VPS41: variants seen among roughly 807,000 people sequenced by gnomAD.
The protein encoded by VPS41 is VPS41 subunit of HOPS complex, also known as vacuolar protein sorting-associated protein 41 homolog.
Under a neutral mutation model 130.9 loss-of-function variants are expected in VPS41, and 85 were observed. The observed-to-expected ratio is 0.65, with a 90% CI of 0.55 to 0.78. The LOEUF is 0.78. Among genes scored for constraint, VPS41 ranks in the 30% least tolerant of loss-of-function variants. The pLI is 0.00. For synonymous variants in VPS41, 335 were observed against 332.9 expected, an observed-to-expected ratio of 1.01 and a Z score of -0.07; for missense variants, 874 against 1,018.7, an observed-to-expected ratio of 0.86 and a Z score of 1.93.
At chr7:38,877,997 C>T (rs1786525817) in intron 2 of VPS41, among the ~76,000 whole-genome samples, 1 of 152,166 alleles carries the variant, frequency 6.6e-6, no homozygotes, top group Non-Finnish European at 1.5e-5. Flanking sequence ...ACTGTATCTC[C>T]AATCCTCACA....
chr7:38,732,944 C>T (rs1199958164), intron 25 of VPS41, among the ~76,000 whole-genome samples: 1 of 152,238 alleles, frequency 6.6e-6, no homozygotes, highest in South Asian at 2.1e-4. Flanking sequence ...CCTCCTGCCT[C>T]AGCCTCCCAT....
At chr7:38,744,193 CT>C (rs768617490) in intron 23 of VPS41, among the ~76,000 whole-genome samples, 2 of 152,170 alleles carry the variant, frequency 1.3e-5, no homozygotes, top group Non-Finnish European at 2.9e-5. Context: ...TCTTTACATA[CT>C]TTGCTCACTG....
chr7:38,782,638 T>C (rs1451290464), intron 10 of VPS41, among the ~76,000 whole-genome samples: 1 of 152,208 alleles, frequency 6.6e-6, no homozygotes, highest in Non-Finnish European at 1.5e-5. Flanking sequence ...ACATCAACCT[T>C]ACATTGCCCA....
Position 38,771,180 on chromosome 7 carries a change from A to T in VPS41, c.1185+18T>A, listed in dbSNP as rs369479800. 6.4e-7 allele frequency: 1 copy of T among 1,554,382 alleles called. No individual in the cohort carries two copies. The highest frequency in any genetic ancestry group is 1.4e-5 in the African/African-American group (1 of 73,486). On this transcript the variant is annotated intron_variant, in intron 14 of 28. Coordinates refer to ENST00000310301, the MANE Select transcript of VPS41 (RefSeq NM_014396.4). ...TGAAAGATAAAATTATGTTTCAAAT[A>T]ACAAATTGCACACTTACCAGAATCT...
intron 2 of VPS41, among the ~76,000 whole-genome samples, chr7:38,883,302 T>C (rs1207511435): frequency 6.6e-6 from 1 of 152,132 alleles, no homozygotes; most frequent in East Asian, 1.9e-4. Flanking sequence ...AGGGTCAACA[T>C]TCTTAGCTGC....
chr7:38,757,149 G>A (rs553874471), intron 18 of VPS41, among the ~76,000 whole-genome samples, 167 bp from the exon 19 acceptor site: 17 of 152,202 alleles, frequency 1.1e-4, no homozygotes, highest in African/African-American at 4.1e-4. Flanking sequence ...AACTATACAC[G>A]ACCAATAAGT....
At chr7:38,836,665 C>G (rs1785502157) in intron 4 of VPS41, among the ~76,000 whole-genome samples, 1 of 118,558 alleles carries the variant, frequency 8.4e-6, no homozygotes, top group South Asian at 3.6e-4. Context: ...TTTTAGTCAC[C>G]AAAATCAAAC....
intron 22 of VPS41, among the ~76,000 whole-genome samples, chr7:38,747,344 G>C (rs1486657664): frequency 6.6e-6 from 1 of 152,196 alleles, no homozygotes; most frequent in African/African-American, 2.4e-5. Flanking sequence ...TTAAGATACA[G>C]ATAGTTTATA....
intron 22 of VPS41, among the ~76,000 whole-genome samples, chr7:38,749,550 T>G (rs565486974): frequency 6.2e-4 from 95 of 152,320 alleles, no homozygotes; most frequent in Non-Finnish European, 1.0e-3. Flanking sequence ...CTTGTACCAA[T>G]AGGACTCAAC....
rs1333297914 is a variant in VPS41 at position 38,757,003 on chromosome 7, C to A, written c.1551-21G>T. 63 of 1,545,768 alleles carry A rather than the reference C, an allele frequency of 4.1e-5. No homozygotes were observed. The Admixed American group carries it at 1.1e-3, about 26-fold the overall frequency. On this transcript the variant is annotated intron_variant, in intron 18 of 28. Transcript: ENST00000310301. ...TGTACCTGGTAATACAAATTTTTTA[C>A]ATTAATATTCATCAACAGTTCTAAT...
At position 38,810,053 on chromosome 7, in the gene VPS41, C is replaced by T. The variant is rs943690463; in HGVS notation, c.450+7764G>A. On this transcript the variant is annotated intron_variant, in intron 7 of 28. Transcript: ENST00000310301. Reference sequence around the variant, plus strand: ...CTTACAAAAAAAATTCATTGGTTCACGTGTTTGAAAGCTCTCTCCAATGGC... The same window carrying T: ...CTTACAAAAAAAATTCATTGGTTCATGTGTTTGAAAGCTCTCTCCAATGGC... 2.4e-4 allele frequency among the ~76,000 whole-genome samples: 36 copies of T among 151,112 alleles called. 1 individual carries two copies. Among genetic ancestry groups the T allele is most frequent in the African/African-American group, 5.6e-4 (23 of 41,268 alleles).
intron 13 of VPS41, among the ~76,000 whole-genome samples, chr7:38,772,318 T>C (rs915134315): frequency 6.6e-6 from 1 of 152,152 alleles, no homozygotes; most frequent in Admixed American, 6.6e-5. Flanking sequence ...CTCCCCCACT[T>C]AACAGGAAAG....
At chr7:38,751,765 G>A (rs1237918182) in intron 22 of VPS41, among the ~76,000 whole-genome samples, 1 of 152,184 alleles carries the variant, frequency 6.6e-6, no homozygotes, top group Admixed American at 6.5e-5. Flanking sequence ...TATGACCTCA[G>A]TTTATCAAAC....
chr7:38,821,132 C>A, intron 6 of VPS41, 71 bp downstream of exon 6: 2 of 1,169,776 alleles, frequency 1.7e-6, no homozygotes, highest in South Asian at 2.6e-5. Flanking sequence ...TGGTAATGTT[C>A]AAATTACTGT....
intron 5 of VPS41, among the ~76,000 whole-genome samples, chr7:38,829,916 TG>T (rs1202578049): frequency 6.6e-6 from 1 of 152,230 alleles, no homozygotes; most frequent in Non-Finnish European, 1.5e-5. Context: ...TGTGGATTTA[TG>T]GCAGAAAGAC....
chr7:38,751,497 T>C (rs1783671726), intron 22 of VPS41, among the ~76,000 whole-genome samples: 1 of 152,224 alleles, frequency 6.6e-6, no homozygotes, highest in South Asian at 2.1e-4. Context: ...AGTCCTTATT[T>C]AGCCCGAACT....
intron 7 of VPS41, among the ~76,000 whole-genome samples, chr7:38,808,876 C>T (rs961862829): frequency 2.0e-5 from 3 of 152,152 alleles, no homozygotes; most frequent in African/African-American, 7.2e-5. Flanking sequence ...AAAAGGCTCA[C>T]CGGATTATCT....
chr7:38,804,026 T>C (rs1784787997), intron 7 of VPS41, among the ~76,000 whole-genome samples: 2 of 152,240 alleles, frequency 1.3e-5, no homozygotes, highest in Non-Finnish European at 2.9e-5. Context: ...ATCTCCTTTA[T>C]CTGAATTTAA....
chr7:38,741,692 T>C (rs987325005), intron 25 of VPS41, among the ~76,000 whole-genome samples: 2 of 152,238 alleles, frequency 1.3e-5, no homozygotes, highest in Non-Finnish European at 2.9e-5. Context: ...GATTCCATGT[T>C]ATATTAACCA....
Sources: gnomAD v4.1 joint callset for allele counts (sites outside exome capture counted in the v4.1 genomes callset) on GRCh38, gnomAD v4.1.1 for gene constraint, MANE v1.5 for transcripts, NCBI Gene and HGNC (gene_info 2026-07-23, HGNC 2026-07-21) for gene names.